PCDHA2: variants seen among roughly 807,000 people sequenced by gnomAD.
The protein encoded by PCDHA2 is protocadherin alpha-2.
A neutral mutation model predicts 66.0 loss-of-function variants in PCDHA2; 58 were observed. The ratio of observed to expected loss-of-function variants is 0.88; its 90% CI spans 0.71 to 1.09. The LOEUF is 1.09. Among genes scored for constraint, PCDHA2 ranks in the 50% least tolerant of loss-of-function variants. The probability of loss-of-function intolerance (pLI) is 0.00; values close to 1 mark genes in which losing one functional copy is unlikely to be tolerated. For synonymous variants in PCDHA2, 634 were observed against 554.0 expected (o/e 1.14, Z -2.03); for missense variants, 1,267 against 1,242.3 (o/e 1.02, Z -0.30).
intron 1 of PCDHA2, chr5:140,848,946 C>G (rs2150425951): frequency 1.2e-6 from 2 of 1,607,130 alleles, no homozygotes; most frequent in African/African-American, 2.7e-5. Context: ...GCTTGACTCT[C>G]GGTTTCCACT....
intron 1 of PCDHA2, among the ~76,000 whole-genome samples, chr5:140,900,317 G>A (rs188830675): frequency 3.3e-4 from 50 of 151,512 alleles, no homozygotes; most frequent in Non-Finnish European, 6.2e-4. Context: ...CACTTTTGTC[G>A]CCCAGGCTGG....
At chr5:140,978,798 G>T (rs1249216156) in intron 1 of PCDHA2, 151 bp from the exon 2 acceptor site, 2 of 1,477,414 alleles carry the variant, frequency 1.4e-6, no homozygotes, top group Admixed American at 2.3e-5. Context: ...TATATATGTA[G>T]ATATCATCAT....
At chr5:140,887,459 G>T (rs532781133) in intron 1 of PCDHA2, among the ~76,000 whole-genome samples, 4 of 152,126 alleles carry the variant, frequency 2.6e-5, no homozygotes, top group Non-Finnish European at 5.9e-5. Flanking sequence ...TTTTTTAAAA[G>T]ATATAATTCA....
rs372392810 is a variant in PCDHA2, at chr5:140,953,521, C to T, written c.2389-25428C>T. On this transcript the variant is annotated intron_variant, in intron 1 of 3. Coordinates refer to ENST00000526136, the MANE Select transcript of PCDHA2 (RefSeq NM_018905.3). Reference sequence around the variant, plus strand: ...AGCTATTAGGCCAAAGCAACAAAAACGGGAAACTCACTTCATGCTGATTCT... The same window carrying T: ...AGCTATTAGGCCAAAGCAACAAAAATGGGAAACTCACTTCATGCTGATTCT... 2.0e-5 allele frequency among the ~76,000 whole-genome samples: 3 copies of T among 152,230 alleles called. No individual in the cohort carries two copies. In the East Asian group the frequency reaches 5.8e-4, roughly 29 times the overall value.
At chr5:140,993,321 G>A (rs1021026330) in intron 3 of PCDHA2, among the ~76,000 whole-genome samples, 58 of 152,134 alleles carry the variant, frequency 3.8e-4, no homozygotes, top group African/African-American at 5.3e-4. Context: ...TACCTTCTAA[G>A]TGTTTGTGAT....
At chr5:140,884,908 T>C (rs1056953779) in intron 1 of PCDHA2, among the ~76,000 whole-genome samples, 1 of 152,234 alleles carries the variant, frequency 6.6e-6, no homozygotes, top group Admixed American at 6.5e-5. Flanking sequence ...TGTTGTATTC[T>C]TAATAGTTCT....
intron 1 of PCDHA2, chr5:140,882,030 T>G (rs1582587950): frequency 3.3e-6 from 2 of 612,804 alleles, no homozygotes; most frequent in East Asian, 5.9e-5. Flanking sequence ...CAATGGAAAA[T>G]ATGAAGACTG....
chr5:140,843,129 A>G (rs2150353513), intron 1 of PCDHA2: 1 of 1,596,008 alleles, frequency 6.3e-7, no homozygotes, highest in Non-Finnish European at 8.6e-7. Context: ...GACTCGGGCT[A>G]CAACGCGTGG....
intron 1 of PCDHA2, among the ~76,000 whole-genome samples, chr5:140,976,568 TA>T (rs2096723296): frequency 6.6e-6 from 1 of 152,050 alleles, no homozygotes; most frequent in Non-Finnish European, 1.5e-5. Context: ...AATAAATAAA[TA>T]TAAATAAAAC....
At chr5:140,897,130 C>A (rs913808184) in intron 1 of PCDHA2, among the ~76,000 whole-genome samples, 11 of 152,118 alleles carry the variant, frequency 7.2e-5, no homozygotes, top group Non-Finnish European at 5.9e-5. Flanking sequence ...CCCCACTAAA[C>A]TTTCTAGCCT....
chr5:140,851,043 C>T (rs2041935214), intron 1 of PCDHA2: 7 of 1,389,064 alleles, frequency 5.0e-6, no homozygotes, highest in Middle Eastern at 2.1e-4. Flanking sequence ...ACATTGGAGC[C>T]GACTTTGTCT....
chr5:140,951,413 C>T (rs1206149734), intron 1 of PCDHA2, among the ~76,000 whole-genome samples: 1 of 152,028 alleles, frequency 6.6e-6, no homozygotes, highest in African/African-American at 2.4e-5. Context: ...GTTTAATTGG[C>T]TCACAGTTCC....
intron 1 of PCDHA2, among the ~76,000 whole-genome samples, chr5:140,972,284 T>A (rs113618936): frequency 3.6e-4 from 55 of 150,874 alleles, no homozygotes; most frequent in African/African-American, 1.3e-3. Context: ...GGACCATAGA[T>A]GTGCGCCACC....
In PCDHA2 at chr5:140,941,764, A is replaced by G. The variant is rs116374830; in HGVS notation, c.2389-37185A>G. 5.7e-3 allele frequency among the ~76,000 whole-genome samples: 869 copies of G among 152,306 alleles called. 7 individuals are homozygous for G. Among genetic ancestry groups the G allele is most frequent in the African/African-American group, 0.018 (768 of 41,560 alleles). ...TTATCAGATTTTCAGTGCTTTTAAG[A>G]TAATTGTTTTAATGTTTTACCCAAG... On this transcript the variant is annotated intron_variant, in intron 1 of 3. Coordinates refer to ENST00000526136, the MANE Select transcript of PCDHA2 (RefSeq NM_018905.3).
intron 1 of PCDHA2, among the ~76,000 whole-genome samples, chr5:140,839,137 C>T (rs1175514541): frequency 6.8e-6 from 1 of 146,496 alleles, no homozygotes; most frequent in Non-Finnish European, 1.5e-5. Context: ...TTCACATAAG[C>T]AGACCAAGTT....
At chr5:141,007,878 C>G (rs1316002060) in intron 3 of PCDHA2, among the ~76,000 whole-genome samples, 5 of 152,212 alleles carry the variant, frequency 3.3e-5, no homozygotes, top group African/African-American at 7.2e-5. Flanking sequence ...TTGTCTTACA[C>G]TTCTTTAAAA....
intron 1 of PCDHA2, among the ~76,000 whole-genome samples, chr5:140,898,608 T>G (rs1208473607): frequency 7.2e-5 from 11 of 152,362 alleles, no homozygotes; most frequent in African/African-American, 2.6e-4. Flanking sequence ...TAGTATAGTT[T>G]GAAGTCAGGT....
At chr5:140,908,493 G>A (rs545927854) in intron 1 of PCDHA2, among the ~76,000 whole-genome samples, 1 of 152,152 alleles carries the variant, frequency 6.6e-6, no homozygotes, top group African/African-American at 2.4e-5. Flanking sequence ...AGTTCAGGTT[G>A]CTTGGTGACT....
intron 1 of PCDHA2, among the ~76,000 whole-genome samples, chr5:140,879,621 T>G (rs1050176793): frequency 5.9e-5 from 9 of 152,076 alleles, no homozygotes; most frequent in African/African-American, 2.2e-4. Context: ...GGTACTTAGG[T>G]GGGTAAGTGT....
Sources: allele counts gnomAD v4.1 joint callset (sites outside exome capture counted in the v4.1 genomes callset), GRCh38; gene constraint gnomAD v4.1.1; transcripts MANE v1.5; gene names NCBI Gene and HGNC (gene_info 2026-07-23, HGNC 2026-07-21).